DNTTIP2: variants seen among roughly 807,000 people sequenced by gnomAD.
The protein encoded by DNTTIP2 is deoxynucleotidyltransferase terminal interacting protein 2, also known as deoxynucleotidyltransferase terminal-interacting protein 2.
In DNTTIP2, 47 loss-of-function variants were observed where a neutral mutation model predicts 62.4. The ratio of observed to expected loss-of-function variants is 0.75; its 90% CI spans 0.60 to 0.96. The LOEUF (loss-of-function observed/expected upper bound fraction) is 0.96. Among genes scored for constraint, DNTTIP2 ranks in the 40% least tolerant of loss-of-function variants. DNTTIP2 has a pLI of 0.00. For synonymous variants in DNTTIP2, 322 were observed against 300.9 expected (o/e 1.07, Z -0.73); for missense variants, 870 against 849.1 (o/e 1.02, Z -0.31).
Position 93,866,838 on chromosome 1 carries a change from C to T in DNTTIP2, c.*3013G>A, listed in dbSNP as rs551060363. The T allele has an allele frequency of 6.6e-6, 1 of 152,318 alleles. No individual in the cohort carries two copies. The highest frequency in any genetic ancestry group is 2.4e-5 in the African/African-American group (1 of 41,560). The allele number at this position is 152,318 out of a possible 1,614,324, so 9.4% of individuals were successfully genotyped here. A position where few individuals can be genotyped will look rare whatever the true frequency, so the allele number is the denominator to read the frequency against. On this transcript the variant is annotated 3_prime_UTR_variant, in exon 7 of 7. Transcript: ENST00000436063. ...TTTATCAACTGTAGTCTTACAGCAT[C>T]TACTTTGTTTTAAGAACATTTTGGG...
At position 93,876,744 on chromosome 1, in the gene DNTTIP2, A is replaced by G; in HGVS notation, c.1191T>C (p.Ser397=). The change falls in exon 2 of 7, where the codon AGT becomes AGC. Residue 397 remains serine (S), a synonymous_variant. Transcript: ENST00000436063. ...DLTKFGDCGG[S]DDEEESTVIS... ...TAACTGTGGACTCTTCTTCATCATCACTACCACCACAATCACCAAACTTTG... is the reference window on the plus strand; with the variant it reads ...TAACTGTGGACTCTTCTTCATCATCGCTACCACCACAATCACCAAACTTTG... 2 of 1,613,928 alleles carry G rather than the reference A, an allele frequency of 1.2e-6. No homozygotes were observed. The highest frequency in any genetic ancestry group is 1.7e-6 in the Non-Finnish European group (2 of 1,179,880).
Position 93,869,523 on chromosome 1 carries a change from G to T in DNTTIP2, c.*328C>A. The T allele has an allele frequency of 4.5e-6, 1 of 220,262 alleles. No individual in the cohort carries two copies. The highest frequency in any genetic ancestry group is 9.1e-6 in the Non-Finnish European group (1 of 110,322). 13.6% of individuals were successfully genotyped at this position (220,262 alleles called of 1,614,324 possible). On this transcript the variant is annotated 3_prime_UTR_variant, in exon 7 of 7. Transcript: ENST00000436063. ...TTTTTAAAGTTCTTTGAACATGTTA[G>T]CAAACTTTATACTTCCTATCTTTTA...
At position 93,876,878 on chromosome 1, in the gene DNTTIP2, T is replaced by A; in HGVS notation, c.1057A>T (p.Asn353Tyr). The change falls in exon 2 of 7, where the codon AAT becomes TAT. Residue 353 changes from asparagine to tyrosine, a missense_variant. Transcript: ENST00000436063. The part of the protein sequence containing the change: ...QNKNAVSVHS[N>Y]LNSEAVMKSL... Reference sequence around the variant, plus strand: ...TTCATTACAGCCTCAGAGTTCAGATTAGAGTGCACTGATACAGCATTTTTA... The same window carrying A: ...TTCATTACAGCCTCAGAGTTCAGATAAGAGTGCACTGATACAGCATTTTTA... 1 of 1,613,966 alleles carries A rather than the reference T, an allele frequency of 6.2e-7. No individual in the cohort carries two copies. The highest frequency in any genetic ancestry group is 8.5e-7 in the Non-Finnish European group (1 of 1,179,870).
In DNTTIP2 at chr1:93,875,680, T is replaced by A; in HGVS notation, c.1771A>T (p.Thr591Ser). Reference sequence around the variant, plus strand: ...TTTTTCTCCTTGATCTGTGTTAGGGTTCTCTTGTTAGACTGTAGTTTATCT... The same window carrying A: ...TTTTTCTCCTTGATCTGTGTTAGGGATCTCTTGTTAGACTGTAGTTTATCT... ...NADKLQSNKR[T>S]LTQIKEKKKN... The change falls in exon 3 of 7, where the codon ACC (threonine) becomes TCC (serine). Residue 591 changes from threonine to serine, a missense_variant. By Grantham distance (58) the Thr-to-Ser change is moderately conservative. Transcript: ENST00000436063. 1 of 1,613,264 alleles carries A rather than the reference T, an allele frequency of 6.2e-7. No homozygotes were observed.
chr1:93,871,883 T>C (rs985933039), intron 5 of DNTTIP2, among the ~76,000 whole-genome samples, 189 bp downstream of exon 5: 3 of 152,192 alleles, frequency 2.0e-5, no homozygotes, highest in African/African-American at 7.2e-5. Flanking sequence ...TCTCTAAATG[T>C]GATCAAATTA....
Position 93,876,874 on chromosome 1 carries a change from A to G in DNTTIP2, c.1061T>C (p.Leu354Pro), listed in dbSNP as rs1416404136. 1 of 1,613,868 alleles carries G rather than the reference A, an allele frequency of 6.2e-7. No homozygotes were observed. The highest frequency in any genetic ancestry group is 8.5e-7 in the Non-Finnish European group (1 of 1,179,872). ...TGATTTCATTACAGCCTCAGAGTTC[A>G]GATTAGAGTGCACTGATACAGCATT... ...NKNAVSVHSN[L>P]NSEAVMKSLT... The change falls in exon 2 of 7, where the codon CTG becomes CCG. Residue 354 changes from leucine to proline, a missense_variant. Leu to Pro is a moderately conservative substitution (Grantham distance 98). Coordinates refer to ENST00000436063, the MANE Select transcript of DNTTIP2 (RefSeq NM_014597.5).
chr1:93,875,540 A>T, intron 3 of DNTTIP2, 105 bp downstream of exon 3: 3 of 1,154,362 alleles, frequency 2.6e-6, no homozygotes, highest in Non-Finnish European at 3.6e-6. Flanking sequence ...CTAACACATT[A>T]GGCCAATGTG....
At position 93,878,287 on chromosome 1, in the gene DNTTIP2, G is replaced by A. The variant is rs142138072; in HGVS notation, c.73-425C>T. On this transcript the variant is annotated intron_variant, in intron 1 of 6. Transcript: ENST00000436063. The stretch of plus-strand genomic sequence containing the variant: ...CCACTGCACTCTAGCCTGGGCGACA[G>A]AGCAAGACTCCGAATCAAAAACAAA... Among the ~76,000 whole-genome samples, 68 of 152,308 alleles carry A rather than the reference G, an allele frequency of 4.5e-4. No individual in the cohort carries two copies. The East Asian group carries it at 0.013, about 29-fold the overall frequency.
At position 93,879,202 on chromosome 1, in the gene DNTTIP2, A is replaced by G; in HGVS notation, c.-54T>C. On this transcript the variant is annotated 5_prime_UTR_variant, in exon 1 of 7. Coordinates refer to ENST00000436063, the MANE Select transcript of DNTTIP2 (RefSeq NM_014597.5). ...CTTCCCTCTTCCCTGGCGCTCCGGA[A>G]ATGCGTCAGAGAACTGCCTCGAGCG... The G allele has an allele frequency of 6.3e-7, 1 of 1,598,886 alleles. No homozygotes were observed. Among genetic ancestry groups the G allele is most frequent in the Non-Finnish European group, 8.5e-7 (1 of 1,175,546 alleles).
rs1437566264 is a variant in DNTTIP2, at chr1:93,877,873, G to C, written c.73-11C>G. ...ATTAGCAGCAAAACTCTGCAAACCA[G>C]AGAAAACACACTGTAATTTAGGTAG... On this transcript the variant is annotated splice_polypyrimidine_tract_variant and intron_variant, in intron 1 of 6. Transcript: ENST00000436063. The C allele has an allele frequency of 6.3e-7, 1 of 1,595,298 alleles. No homozygotes were observed. The highest frequency in any genetic ancestry group is 2.2e-5 in the East Asian group (1 of 44,836).
At position 93,868,425 on chromosome 1, in the gene DNTTIP2, G is replaced by T. The variant is rs186333924; in HGVS notation, c.*1426C>A. ...GAGTGTAAACTAGTTCAACCATTGT[G>T]GAAGACAGTGTGGTGATTCCGCAAG... On this transcript the variant is annotated 3_prime_UTR_variant, in exon 7 of 7. Coordinates refer to ENST00000436063, the MANE Select transcript of DNTTIP2 (RefSeq NM_014597.5). 1 of 152,284 alleles carries T rather than the reference G, an allele frequency of 6.6e-6. No homozygotes were observed. The highest frequency in any genetic ancestry group is 1.9e-4 in the East Asian group (1 of 5,174). The allele number at this position is 152,284 out of a possible 1,614,324, so 9.4% of individuals were successfully genotyped here. A position where few individuals can be genotyped will look rare whatever the true frequency, so the allele number is the denominator to read the frequency against.
chr1:93,870,052 C>T, intron 6 of DNTTIP2, 108 bp from the exon 7 acceptor site: 1 of 629,932 alleles, frequency 1.6e-6, no homozygotes, highest in South Asian at 1.9e-5. Flanking sequence ...CAAGTATAGT[C>T]TCTGACCTCA....
In DNTTIP2 at chr1:93,867,751, C is replaced by T. The variant is rs1040330340; in HGVS notation, c.*2100G>A. 2 of 152,060 alleles carry T rather than the reference C, an allele frequency of 1.3e-5. No homozygotes were observed. The highest frequency in any genetic ancestry group is 2.4e-5 in the African/African-American group (1 of 41,400). The allele number at this position is 152,060 out of a possible 1,614,324, so 9.4% of individuals were successfully genotyped here. On this transcript the variant is annotated 3_prime_UTR_variant, in exon 7 of 7. Transcript: ENST00000436063. ...GCCAGAAGCACTAAAGGATACAATTCTCTCATACTGGGTCCTTATTTTATC... is the reference window on the plus strand; with the variant it reads ...GCCAGAAGCACTAAAGGATACAATTTTCTCATACTGGGTCCTTATTTTATC...
chr1:93,879,036 T>C, intron 1 of DNTTIP2, 41 bp downstream of exon 1: 1 of 1,609,832 alleles, frequency 6.2e-7, no homozygotes, highest in Non-Finnish European at 8.5e-7. Flanking sequence ...TGAGCGCGGC[T>C]CTGCGAAGCG....
In DNTTIP2 at chr1:93,876,888, T is replaced by C. The variant is rs912253015; in HGVS notation, c.1047A>G (p.Ser349=). 1.2e-6 allele frequency: 2 copies of C among 1,613,980 alleles called. No individual in the cohort carries two copies. The highest frequency in any genetic ancestry group is 8.5e-7 in the Non-Finnish European group (1 of 1,179,882). Residue 349 remains serine, a synonymous_variant, in exon 2 of 7, where the codon TCA becomes TCG. Transcript: ENST00000436063. ...CCTCAGAGTTCAGATTAGAGTGCAC[T>C]GATACAGCATTTTTATTTTGGGGGG... The part of the protein sequence containing the change: ...HSTPQNKNAV[S]VHSNLNSEAV...
rs1655809766 is a variant in DNTTIP2, at chr1:93,869,744, G to A, written c.*107C>T. On this transcript the variant is annotated 3_prime_UTR_variant, in exon 7 of 7. Coordinates refer to ENST00000436063, the MANE Select transcript of DNTTIP2 (RefSeq NM_014597.5). ...CCAAATACAAATTCCTGTATGAACAGGGCCAGTCTATGGTAAATTAATTTA... is the reference window on the plus strand; with the variant it reads ...CCAAATACAAATTCCTGTATGAACAAGGCCAGTCTATGGTAAATTAATTTA... 3.0e-6 allele frequency: 2 copies of A among 656,656 alleles called. No individual in the cohort carries two copies. The highest frequency in any genetic ancestry group is 5.6e-6 in the Non-Finnish European group (2 of 355,462). 40.7% of individuals were successfully genotyped at this position (656,656 alleles called of 1,614,324 possible). A position where few individuals can be genotyped will look rare whatever the true frequency, so the allele number is the denominator to read the frequency against.
At position 93,879,004 on chromosome 1, in the gene DNTTIP2, C is replaced by A. The variant is rs1656086041; in HGVS notation, c.72+73G>T. The A allele has an allele frequency of 5.7e-6, 9 of 1,578,444 alleles. No individual in the cohort carries two copies. The South Asian group carries it at 1.0e-4, about 18-fold the overall frequency. On this transcript the variant is annotated intron_variant, in intron 1 of 6. Transcript: ENST00000436063. ...CGGCAGGTCCTCACCCTTAACCGGA[C>A]CCTTGCGCCGCCCCGCCTGCCTGAG...
At chr1:93,872,507 G>A (rs1430331401) in intron 4 of DNTTIP2, among the ~76,000 whole-genome samples, 1 of 152,268 alleles carries the variant, frequency 6.6e-6, no homozygotes, top group East Asian at 1.9e-4. Context: ...CTGACTTGCT[G>A]GGAGAATAAC....
In DNTTIP2 at chr1:93,869,024, A is replaced by G. The variant is rs948727550; in HGVS notation, c.*827T>C. The G allele has an allele frequency of 9.9e-5, 15 of 152,188 alleles. No homozygotes were observed. The highest frequency in any genetic ancestry group is 1.5e-4 in the Non-Finnish European group (10 of 68,038). The allele number at this position is 152,188 out of a possible 1,614,324, so 9.4% of individuals were successfully genotyped here. A position where few individuals can be genotyped will look rare whatever the true frequency, so the allele number is the denominator to read the frequency against. ...AAGATTTCATATTTGCTGATATCTCAAGGAAGCAGTATGCTGGAAAAATAG... is the reference window on the plus strand; with the variant it reads ...AAGATTTCATATTTGCTGATATCTCGAGGAAGCAGTATGCTGGAAAAATAG... On this transcript the variant is annotated 3_prime_UTR_variant, in exon 7 of 7. Transcript: ENST00000436063.
Sources: allele counts gnomAD v4.1 joint callset (sites outside exome capture counted in the v4.1 genomes callset), GRCh38; gene constraint gnomAD v4.1.1; transcripts MANE v1.5; gene names NCBI Gene and HGNC (gene_info 2026-07-23, HGNC 2026-07-21).